IRGM: variants seen among roughly 807,000 people sequenced by gnomAD.
IRGM encodes immunity related GTPase M.
For missense variants in IRGM, 288 were observed against 219.9 expected (o/e 1.31, Z -1.96); for synonymous variants, 98 against 80.6 (o/e 1.22, Z -1.16).
intron 3 of IRGM, among the ~76,000 whole-genome samples, chr5:150,900,175 T>C (rs1007288281): frequency 2.0e-5 from 3 of 152,174 alleles, no homozygotes; most frequent in Non-Finnish European, 4.4e-5. Flanking sequence ...GCAAGATTTA[T>C]TCTCAATAGT....
In IRGM at chr5:150,896,215, T is replaced by C. The variant is rs199921485; in HGVS notation, c.*141-4374T>C. On this transcript the variant is annotated intron_variant and NMD_transcript_variant, in intron 3 of 3. Transcript: ENST00000520549. Reference sequence around the variant, plus strand: ...TCCCCAGTGTGAACTCTCTGATGTATAATAAGGGACGATTTCTGAGAGAAG... The same window carrying C: ...TCCCCAGTGTGAACTCTCTGATGTACAATAAGGGACGATTTCTGAGAGAAG... The C allele has an allele frequency of 8.6e-4, 1,391 of 1,613,654 alleles. 11 individuals carry two copies. The South Asian group carries it at 0.012, about 14-fold the overall frequency.
At chr5:150,878,697 A>G (rs1220273305) in intron 2 of IRGM, among the ~76,000 whole-genome samples, 3 of 152,012 alleles carry the variant, frequency 2.0e-5, no homozygotes, top group Non-Finnish European at 1.5e-5. Flanking sequence ...AAATATGTAT[A>G]TTTATTACTG....
chr5:150,901,897 C>CAGTA (rs1755006622), downstream of IRGM, among the ~76,000 whole-genome samples: 1 of 152,098 alleles, frequency 6.6e-6, no homozygotes, highest in African/African-American at 2.4e-5. Flanking sequence ...TTATATTGGA[C>CAGTA]AGTAAGTTAA....
In IRGM at chr5:150,884,128, G is replaced by T. The variant is rs1754482812; in HGVS notation, c.*140+4482G>T. On this transcript the variant is annotated intron_variant and NMD_transcript_variant, in intron 3 of 3. Transcript: ENST00000520549. ...TATAATGTGATATATCACATTAACG[G>T]AATGAAGGACAAAAGCCATATTATC... is the stretch of plus-strand genomic sequence containing the variant. Among the ~76,000 whole-genome samples, 3 of 151,352 alleles carry T rather than the reference G, an allele frequency of 2.0e-5. No individual in the cohort carries two copies. In the South Asian group the frequency reaches 6.3e-4, roughly 32 times the overall value.
intron 3 of IRGM, among the ~76,000 whole-genome samples, chr5:150,892,952 CTTTTAT>C (rs1754638691): frequency 6.6e-6 from 1 of 151,940 alleles, no homozygotes; most frequent in African/African-American, 2.4e-5. Flanking sequence ...TCTTCATCTT[CTTTTAT>C]TTTTATCATG....
chr5:150,895,174 C>A (rs1581657377), intron 3 of IRGM: 2 of 365,622 alleles, frequency 5.5e-6, no homozygotes, highest in Non-Finnish European at 9.8e-6. Flanking sequence ...ATTCTGTATG[C>A]TTAACTTGCT....
intron 1 of IRGM, among the ~76,000 whole-genome samples, chr5:150,855,546 T>C (rs1754037374): frequency 6.6e-6 from 1 of 152,170 alleles, no homozygotes; most frequent in African/African-American, 2.4e-5. Flanking sequence ...GAATGTAAAC[T>C]TATCAAAAAA....
chr5:150,853,026 A>T (rs1381208885), downstream of IRGM, among the ~76,000 whole-genome samples: 1 of 152,096 alleles, frequency 6.6e-6, no homozygotes, highest in Non-Finnish European at 1.5e-5. Context: ...GTGCCTTAAA[A>T]CATAAAGTTG....
intron 3 of IRGM, among the ~76,000 whole-genome samples, chr5:150,882,228 A>G (rs1160373823): frequency 1.0e-5 from 1 of 97,352 alleles, no homozygotes; most frequent in Non-Finnish European, 1.8e-5. Flanking sequence ...CAAAAAAAAG[A>G]AAAAAAAAAG....
At chr5:150,848,772 C>A (rs550942650), downstream of IRGM, 17 of 826,340 alleles carry the variant, frequency 2.1e-5, 1 homozygote, top group African/African-American at 2.1e-4. Flanking sequence ...GGGTATCTTA[C>A]AATTTTCGGG....
chr5:150,877,638 G>A (rs890730307), intron 1 of IRGM, among the ~76,000 whole-genome samples: 1 of 152,062 alleles, frequency 6.6e-6, no homozygotes, highest in Non-Finnish European at 1.5e-5. Context: ...TAAAGATGAA[G>A]AAATCAAAAC....
rs1233987752 is a variant in IRGM at position 150,846,609 on chromosome 5, C to T, written c.-1027C>T. On this transcript the variant is annotated 5_prime_UTR_variant, in exon 1 of 2. Coordinates refer to ENST00000522154, the MANE Select transcript of IRGM (RefSeq NM_001145805.2). Reference sequence around the variant, plus strand: ...TCTTGCTGCTGCTCATTCTTTGGGTCCACACTGCCTTTATGAGCTGTAACA... The same window carrying T: ...TCTTGCTGCTGCTCATTCTTTGGGTTCACACTGCCTTTATGAGCTGTAACA... 1 of 134,024 alleles carries T rather than the reference C, an allele frequency of 7.5e-6. No individual in the cohort carries two copies. The highest frequency in any genetic ancestry group is 3.3e-5 in the African/African-American group (1 of 30,164). The allele number at this position is 134,024 out of a possible 1,614,324, so 8.3% of individuals were successfully genotyped here. A position where few individuals can be genotyped will look rare whatever the true frequency, so the allele number is the denominator to read the frequency against.
intron 3 of IRGM, among the ~76,000 whole-genome samples, chr5:150,885,547 G>A (rs2113293717): frequency 1.3e-5 from 2 of 152,152 alleles, no homozygotes; most frequent in Admixed American, 1.3e-4. Flanking sequence ...TTATCCATGA[G>A]CATGGGATGT....
At chr5:150,872,665 T>C (rs1449882030) in intron 1 of IRGM, among the ~76,000 whole-genome samples, 3 of 152,226 alleles carry the variant, frequency 2.0e-5, no homozygotes, top group Non-Finnish European at 2.9e-5. Context: ...ACAGGGATTA[T>C]GCATTTAATG....
At chr5:150,892,289 G>A (rs1403384065) in intron 3 of IRGM, among the ~76,000 whole-genome samples, 4 of 143,214 alleles carry the variant, frequency 2.8e-5, no homozygotes, top group Admixed American at 2.7e-4. Context: ...AACCAATTCA[G>A]AAAACGGTGT....
intron 1 of IRGM, among the ~76,000 whole-genome samples, chr5:150,875,294 G>C (rs1215857850): frequency 6.6e-6 from 1 of 152,204 alleles, no homozygotes. Context: ...GAATGACAGT[G>C]GTGAAGGAAA....
chr5:150,895,423 A>G lies in IRGM; in HGVS notation c.*141-5166A>G, dbSNP rs746958092. On this transcript the variant is annotated intron_variant and NMD_transcript_variant, in intron 3 of 3. Transcript: ENST00000520549. ...ACTAAGGCTTTTCTGTGGCCAGTTC[A>G]TTATGATTTTACCACTGTGTGAATT... 4 of 1,586,602 alleles carry G rather than the reference A, an allele frequency of 2.5e-6. No individual in the cohort carries two copies. The East Asian group carries it at 9.0e-5, about 36-fold the overall frequency.
chr5:150,850,080 A>T (rs998548277), downstream of IRGM, among the ~76,000 whole-genome samples: 1 of 152,114 alleles, frequency 6.6e-6, no homozygotes, highest in Non-Finnish European at 1.5e-5. Flanking sequence ...CCAAAAATAC[A>T]CCCAGTAGCC....
chr5:150,864,806 G>A (rs10079146), intron 1 of IRGM, among the ~76,000 whole-genome samples: 5,118 of 152,310 alleles, frequency 0.034, 276 homozygotes, highest in African/African-American at 0.12. Flanking sequence ...GGTGTTTGTT[G>A]GAGGCAGCAC....
Sources: gnomAD v4.1 joint callset for allele counts (sites outside exome capture counted in the v4.1 genomes callset) on GRCh38, gnomAD v4.1.1 for gene constraint, MANE v1.5 for transcripts, NCBI Gene and HGNC (gene_info 2026-07-23, HGNC 2026-07-21) for gene names.